Variants in ELOVL7 observed in about 807,000 individuals in gnomAD.
ELOVL7 encodes very long chain fatty acid elongase 7.
Under a neutral mutation model 35.7 loss-of-function variants are expected in ELOVL7, and 27 were observed. That is an observed-to-expected ratio of 0.76 (90% CI 0.56 to 1.04). The LOEUF is 1.04. Among genes scored for constraint, ELOVL7 ranks in the 50% least tolerant of loss-of-function variants. The probability of loss-of-function intolerance (pLI) is 0.00; values close to 1 mark genes in which losing one functional copy is unlikely to be tolerated. For missense variants in ELOVL7, 327 were observed against 340.8 expected (o/e 0.96, Z 0.32); for synonymous variants, 113 against 114.6 (o/e 0.99, Z 0.09).
intron 1 of ELOVL7, among the ~76,000 whole-genome samples, chr5:60,836,473 T>C (rs916469479): frequency 2.0e-5 from 3 of 152,050 alleles, no homozygotes; most frequent in African/African-American, 7.3e-5. Context: ...GGGATTAAAA[T>C]GTGGGTCAAC....
intron 1 of ELOVL7, among the ~76,000 whole-genome samples, chr5:60,810,845 C>T (rs569307835): frequency 4.1e-4 from 63 of 152,220 alleles, no homozygotes; most frequent in African/African-American, 1.4e-3. Context: ...TGCACAGTAC[C>T]GACCCAGGGG....
At chr5:60,784,125 C>G in intron 3 of ELOVL7, 3 of 1,515,538 alleles carry the variant, frequency 2.0e-6, no homozygotes, top group Non-Finnish European at 2.7e-6. Flanking sequence ...CCATCAGCTG[C>G]TTCTAAGAGA....
At chr5:60,755,126 A>G (rs750558739) in intron 8 of ELOVL7, among the ~76,000 whole-genome samples, 3 of 152,182 alleles carry the variant, frequency 2.0e-5, no homozygotes, top group Non-Finnish European at 2.9e-5. Context: ...GAATCAACAG[A>G]GCAGGTTTTC....
At chr5:60,772,796 T>C (rs1310626014) in intron 3 of ELOVL7, among the ~76,000 whole-genome samples, 1 of 152,150 alleles carries the variant, frequency 6.6e-6, no homozygotes, top group Non-Finnish European at 1.5e-5. Context: ...CATCCCACCA[T>C]GTGTCTATAG....
chr5:60,793,752 A>T (rs1304845291), intron 2 of ELOVL7, among the ~76,000 whole-genome samples: 1 of 152,148 alleles, frequency 6.6e-6, no homozygotes, highest in Non-Finnish European at 1.5e-5. Context: ...GCTGCATACA[A>T]TATCCAAGTC....
At chr5:60,836,581 T>C (rs1287434691) in intron 1 of ELOVL7, among the ~76,000 whole-genome samples, 3 of 152,064 alleles carry the variant, frequency 2.0e-5, no homozygotes, top group African/African-American at 7.3e-5. Context: ...AAAAGACAGG[T>C]AAGACTCTGA....
At chr5:60,817,638 T>C (rs1446163389) in intron 1 of ELOVL7, among the ~76,000 whole-genome samples, 1 of 147,504 alleles carries the variant, frequency 6.8e-6, no homozygotes, top group African/African-American at 2.5e-5. Flanking sequence ...TGTATATTAG[T>C]ATATATATTA....
chr5:60,776,668 T>A (rs1313314880), intron 3 of ELOVL7, among the ~76,000 whole-genome samples: 1 of 152,098 alleles, frequency 6.6e-6, no homozygotes, highest in East Asian at 1.9e-4. Context: ...GAGCTAAGTC[T>A]TGGGTACATG....
intron 1 of ELOVL7, among the ~76,000 whole-genome samples, chr5:60,806,605 G>A (rs530504967): frequency 2.6e-5 from 4 of 151,898 alleles, no homozygotes; most frequent in South Asian, 2.1e-4. Flanking sequence ...AAAAAGAAAT[G>A]ATGAAAAAAA....
intron 2 of ELOVL7, among the ~76,000 whole-genome samples, chr5:60,788,790 C>G (rs1454052528): frequency 1.3e-5 from 2 of 151,282 alleles, no homozygotes; most frequent in Non-Finnish European, 2.9e-5. Flanking sequence ...GAGACTTGGT[C>G]TTAAAAAAAA....
intron 1 of ELOVL7, among the ~76,000 whole-genome samples, chr5:60,834,863 T>A (rs1264456777): frequency 1.3e-5 from 2 of 151,036 alleles, no homozygotes; most frequent in African/African-American, 2.5e-5. Context: ...TTTAAAAAAA[T>A]ATATAAATAG....
intron 3 of ELOVL7, among the ~76,000 whole-genome samples, chr5:60,786,873 C>T (rs766087913): frequency 8.6e-5 from 13 of 150,678 alleles, no homozygotes; most frequent in East Asian, 2.0e-4. Context: ...ACCAGGGAGG[C>T]GGAGGTTGCA....
rs758742307 is a variant in ELOVL7, at chr5:60,794,206, G to A, written c.-35+4974C>T. Among the ~76,000 whole-genome samples the A allele has an allele frequency of 7.6e-4, 115 of 152,178 alleles. 1 individual carries two copies. Among genetic ancestry groups the A allele is most frequent in the Non-Finnish European group, 1.8e-4 (12 of 68,032 alleles). On this transcript the variant is annotated intron_variant, in intron 2 of 8. Transcript: ENST00000508821. Reference sequence around the variant, plus strand: ...CATGACAACTCGGTCATTTGGTAACGAAGTGACTTAATTTGCCTCTTTAGA... The same window carrying A: ...CATGACAACTCGGTCATTTGGTAACAAAGTGACTTAATTTGCCTCTTTAGA...
At position 60,757,554 on chromosome 5, in the gene ELOVL7, G is replaced by T; in HGVS notation, c.591C>A (p.Tyr197Ter). 4 of 1,613,296 alleles carry T rather than the reference G, an allele frequency of 2.5e-6. No homozygotes were observed. The highest frequency in any genetic ancestry group is 3.4e-6 in the Non-Finnish European group (4 of 1,179,536). The change falls in exon 8 of 9, where the codon TAC (tyrosine) becomes TAA (stop). Residue 197 changes from tyrosine (Y) to a stop codon, truncating the protein, a stop_gained. Coordinates refer to ENST00000508821, the MANE Select transcript of ELOVL7 (RefSeq NM_024930.3). LOFTEE classifies it high-confidence loss of function. ...ATTTTTTCCACCACAAATACTTCTGGTAGGCTGGCCCCAATGCAGAAAGTC... is the reference window on the plus strand; with the variant it reads ...ATTTTTTCCACCACAAATACTTCTGTTAGGCTGGCCCCAATGCAGAAAGTC... The part of the protein sequence containing the change: ...YYGLSALGPA[Y>*]QKYLWWKKYL...
intron 2 of ELOVL7, 21 bp from the exon 3 acceptor site, chr5:60,787,452 A>T: frequency 1.5e-6 from 2 of 1,324,710 alleles, no homozygotes; most frequent in Non-Finnish European, 2.1e-6. Flanking sequence ...ATAAAACAGA[A>T]ATGAGTTTAT....
rs752879492 is a variant in ELOVL7, at chr5:60,764,309, T to C, written c.417A>G (p.Lys139=). The change falls in exon 7 of 9, where the codon AAA becomes AAG. Residue 139 remains lysine (K), a synonymous_variant. Transcript: ENST00000508821. ...CATGAAGGAAAGTCACTTGGCTATT[T>C]TTCTTGCGCAGAACAAAAAAGATCT... ...LDTIFFVLRK[K]NSQVTFLHVF... is the part of the protein sequence containing the mutation. 3.1e-6 allele frequency: 5 copies of C among 1,613,224 alleles called. No individual in the cohort carries two copies. The highest frequency in any genetic ancestry group is 4.2e-6 in the Non-Finnish European group (5 of 1,179,388).
chr5:60,760,949 G>A (rs1347252894), intron 7 of ELOVL7, among the ~76,000 whole-genome samples: 1 of 152,134 alleles, frequency 6.6e-6, no homozygotes, highest in Non-Finnish European at 1.5e-5. Context: ...AGAGTGTTTA[G>A]TAAGGTTTAC....
chr5:60,774,905 A>T (rs756125847), intron 3 of ELOVL7, among the ~76,000 whole-genome samples: 2 of 151,666 alleles, frequency 1.3e-5, no homozygotes, highest in African/African-American at 2.4e-5. Context: ...AGCTGGGATT[A>T]CAGGTGCCCG....
At chr5:60,777,699 G>A (rs1185776497) in intron 3 of ELOVL7, among the ~76,000 whole-genome samples, 1 of 152,132 alleles carries the variant, frequency 6.6e-6, no homozygotes, top group Admixed American at 6.6e-5. Flanking sequence ...TCAGGATCCT[G>A]AGGACTCAGC....
Sources: allele counts gnomAD v4.1 joint callset (sites outside exome capture counted in the v4.1 genomes callset), GRCh38; gene constraint gnomAD v4.1.1; transcripts MANE v1.5; gene names NCBI Gene and HGNC (gene_info 2026-07-23, HGNC 2026-07-21).